ARID3B: variants seen among roughly 807,000 people sequenced by gnomAD.
ARID3B encodes the protein AT-rich interaction domain 3B, also known as AT-rich interactive domain-containing protein 3B.
In ARID3B, 10 loss-of-function variants were observed where a neutral mutation model predicts 51.9. The ratio of observed to expected loss-of-function variants is 0.19; its 90% CI spans 0.12 to 0.33. The LOEUF is 0.33. Among genes scored for constraint, ARID3B ranks in the 10% least tolerant of loss-of-function variants. The probability of loss-of-function intolerance (pLI) is 1.00; values close to 1 mark genes in which losing one functional copy is unlikely to be tolerated. For missense variants in ARID3B, 483 were observed against 716.3 expected (o/e 0.67, Z 3.72); for synonymous variants, 205 against 279.5 (o/e 0.73, Z 2.66).
At chr15:74,571,634 C>T (rs140234697) in intron 2 of ARID3B, among the ~76,000 whole-genome samples, 1 of 152,304 alleles carries the variant, frequency 6.6e-6, no homozygotes, top group East Asian at 1.9e-4. Context: ...TGCTATGTGC[C>T]TGATGACAAA....
intron 4 of ARID3B, among the ~76,000 whole-genome samples, chr15:74,582,728 G>A (rs1209751703): frequency 6.6e-6 from 1 of 152,148 alleles, no homozygotes; most frequent in African/African-American, 2.4e-5. Flanking sequence ...ACTCCTGGGT[G>A]TATTCCCAAC....
intron 4 of ARID3B, among the ~76,000 whole-genome samples, chr15:74,585,827 C>G (rs975826732): frequency 3.3e-5 from 5 of 152,218 alleles, no homozygotes; most frequent in Admixed American, 2.0e-4. Context: ...CTGCTGAGAC[C>G]AACCTGCAGA....
At chr15:74,545,276 C>T (rs1225678462) in intron 2 of ARID3B, among the ~76,000 whole-genome samples, 1 of 152,174 alleles carries the variant, frequency 6.6e-6, no homozygotes, top group Non-Finnish European at 1.5e-5. Context: ...TATATATTTT[C>T]CAACAAAGAG....
chr15:74,549,935 G>A (rs1014810224), intron 2 of ARID3B, among the ~76,000 whole-genome samples: 1 of 152,192 alleles, frequency 6.6e-6, no homozygotes, highest in Non-Finnish European at 1.5e-5. Context: ...GAGTTATCTG[G>A]TCCAAAATAA....
chr15:74,543,845 CT>C lies in ARID3B; in HGVS notation c.-77-14del. On this transcript the variant is annotated splice_polypyrimidine_tract_variant and intron_variant, in intron 1 of 8. Transcript: ENST00000346246. ...TTTTCCCCCTCCTTCTTTGTGGTTT[CT>C]GTTAATCACTAAGGTTTAGACCCAG... 6.7e-7 allele frequency: 1 copy of C among 1,484,284 alleles called. No individual in the cohort carries two copies. The highest frequency in any genetic ancestry group is 9.1e-7 in the Non-Finnish European group (1 of 1,102,802). The allele number at this position is 1,484,284 out of a possible 1,614,324, so 91.9% of individuals were successfully genotyped here.
chr15:74,588,553 A>C (rs1295183368), intron 4 of ARID3B, among the ~76,000 whole-genome samples: 1 of 152,202 alleles, frequency 6.6e-6, no homozygotes, highest in African/African-American at 2.4e-5. Flanking sequence ...GTTTGCCATC[A>C]AAAGGCAACA....
intron 7 of ARID3B, among the ~76,000 whole-genome samples, chr15:74,592,621 G>A (rs2141481332): frequency 6.6e-6 from 1 of 152,378 alleles, no homozygotes; most frequent in South Asian, 2.1e-4. Context: ...TCTGGGGTGA[G>A]CCAGCCAAAG....
At chr15:74,576,313 T>G (rs1485850974) in intron 4 of ARID3B, among the ~76,000 whole-genome samples, 1 of 152,042 alleles carries the variant, frequency 6.6e-6, no homozygotes, top group Non-Finnish European at 1.5e-5. Flanking sequence ...AGGGCAAAAT[T>G]GTCCCGTTGA....
At chr15:74,577,636 C>T (rs999389136) in intron 4 of ARID3B, among the ~76,000 whole-genome samples, 1 of 152,114 alleles carries the variant, frequency 6.6e-6, no homozygotes, top group Non-Finnish European at 1.5e-5. Context: ...ATCCTCCCAC[C>T]TCAGCCTCCT....
chr15:74,570,057 C>CT (rs1158377682), intron 2 of ARID3B, among the ~76,000 whole-genome samples: 1 of 152,138 alleles, frequency 6.6e-6, no homozygotes, highest in Admixed American at 6.6e-5. Context: ...TGTCTCATTT[C>CT]TTTCCTGCTC....
At chr15:74,578,624 G>A in intron 4 of ARID3B, among the ~76,000 whole-genome samples, 1 of 152,166 alleles carries the variant, frequency 6.6e-6, no homozygotes. Context: ...TCAGGGACTT[G>A]GCCTCCATAG....
intron 4 of ARID3B, among the ~76,000 whole-genome samples, chr15:74,583,938 G>A (rs898907883): frequency 2.6e-5 from 4 of 152,186 alleles, no homozygotes; most frequent in African/African-American, 7.2e-5. Context: ...GTGGAACAGT[G>A]CAACTACAAG....
chr15:74,579,917 G>A (rs536389230), intron 4 of ARID3B, among the ~76,000 whole-genome samples: 3 of 151,652 alleles, frequency 2.0e-5, no homozygotes, highest in Admixed American at 6.6e-5. Context: ...TCAGCTGGAC[G>A]CATTGGCTCA....
intron 2 of ARID3B, among the ~76,000 whole-genome samples, chr15:74,562,561 A>G (rs2061682950): frequency 6.6e-6 from 1 of 152,114 alleles, no homozygotes; most frequent in South Asian, 2.1e-4. Flanking sequence ...ATTGCTGCTC[A>G]CTGCAGCCTG....
intron 1 of ARID3B, among the ~76,000 whole-genome samples, chr15:74,543,408 T>C (rs1474174579): frequency 2.0e-5 from 3 of 152,250 alleles, no homozygotes; most frequent in Non-Finnish European, 4.4e-5. Flanking sequence ...GGGAACATAC[T>C]CTCTCCTTTG....
chr15:74,560,030 C>A (rs2061673488), intron 2 of ARID3B, among the ~76,000 whole-genome samples: 1 of 194 alleles, frequency 5.2e-3, no homozygotes, highest in Non-Finnish European at 0.016. Flanking sequence ...CCTGTCTCTA[C>A]TAAAAAAAAA....
chr15:74,575,727 G>A (rs921256300), intron 4 of ARID3B, among the ~76,000 whole-genome samples: 2 of 152,092 alleles, frequency 1.3e-5, no homozygotes, highest in East Asian at 1.9e-4. Flanking sequence ...GTAAATCTTT[G>A]TCCTGTCTTC....
intron 2 of ARID3B, among the ~76,000 whole-genome samples, chr15:74,565,280 G>A (rs981107019): frequency 4.6e-5 from 7 of 151,872 alleles, no homozygotes; most frequent in East Asian, 1.9e-4. Flanking sequence ...TCAAACTCCC[G>A]GGCTTAAGCA....
rs869243539 is a variant in ARID3B, at chr15:74,555,786, C to CTTTT, written c.552+11318_552+11321dup. ...AGCTGTAGCCTTACGAGCTGTATTT[C>CTTTT]TTTTTTTTTTTTTTTTTTTTTTTGA... On this transcript the variant is annotated intron_variant, in intron 2 of 8. Transcript: ENST00000346246. Among the ~76,000 whole-genome samples the CTTTT allele has an allele frequency of 2.7e-3, 253 of 95,062 alleles. 1 individual carries two copies. The highest frequency in any genetic ancestry group is 7.0e-3 in the East Asian group (19 of 2,722). The allele number at this position is 95,062 out of a possible 152,430, so 62.4% of individuals were successfully genotyped here. A position where few individuals can be genotyped will look rare whatever the true frequency, so the allele number is the denominator to read the frequency against.
Sources: gnomAD v4.1 joint callset for allele counts (sites outside exome capture counted in the v4.1 genomes callset) on GRCh38, gnomAD v4.1.1 for gene constraint, MANE v1.5 for transcripts, NCBI Gene and HGNC (gene_info 2026-07-23, HGNC 2026-07-21) for gene names.